TLE4: variants seen among roughly 807,000 people sequenced by gnomAD.
TLE4 encodes the protein transducin-like enhancer protein 4.
Under a neutral mutation model 92.8 loss-of-function variants are expected in TLE4, and 8 were observed. The ratio of observed to expected loss-of-function variants is 0.09; its 90% CI spans 0.05 to 0.16. The LOEUF (loss-of-function observed/expected upper bound fraction) is 0.16. Among genes scored for constraint, TLE4 ranks in the 10% least tolerant of loss-of-function variants. The pLI is 1.00. For synonymous variants in TLE4, 371 were observed against 374.1 expected (o/e 0.99, Z 0.10); for missense variants, 675 against 997.6 (o/e 0.68, Z 4.36).
Position 79,718,899 on chromosome 9 carries a change from G to C in TLE4, c.1518G>C (p.Gly506=). 6.2e-7 allele frequency: 1 copy of C among 1,614,188 alleles called. No individual in the cohort carries two copies. The highest frequency in any genetic ancestry group is 8.5e-7 in the Non-Finnish European group (1 of 1,180,020). ...SNPTRHVYTG[G]KGCVKVWDIS... Reference sequence around the variant, plus strand: ...CCACGAGACACGTGTACACGGGTGGGAAGGGCTGCGTCAAGGTCTGGGACA... The same window carrying C: ...CCACGAGACACGTGTACACGGGTGGCAAGGGCTGCGTCAAGGTCTGGGACA... Residue 506 remains glycine (G), a synonymous_variant, in exon 15 of 20, where the codon GGG becomes GGC. Coordinates refer to ENST00000376552, the MANE Select transcript of TLE4 (RefSeq NM_007005.6).
At chr9:79,650,828 G>A (rs527713370) in intron 6 of TLE4, among the ~76,000 whole-genome samples, 6 of 152,034 alleles carry the variant, frequency 3.9e-5, no homozygotes, top group Admixed American at 6.6e-5. Context: ...TATATTTTAA[G>A]TGCATGTAGC....
At chr9:79,578,703 T>C (rs2081989402) in intron 4 of TLE4, among the ~76,000 whole-genome samples, 1 of 152,180 alleles carries the variant, frequency 6.6e-6, no homozygotes, top group African/African-American at 2.4e-5. Context: ...AAAGTACATT[T>C]AGTAAATTGG....
intron 14 of TLE4, among the ~76,000 whole-genome samples, chr9:79,710,807 C>T (rs571605923): frequency 6.6e-6 from 1 of 152,254 alleles, no homozygotes; most frequent in Admixed American, 6.5e-5. Flanking sequence ...TCTGCCTCTC[C>T]CTCTTGACTA....
chr9:79,719,986 C>T (rs2075296166), intron 15 of TLE4, 60 bp from the exon 16 acceptor site: 1 of 1,544,654 alleles, frequency 6.5e-7, no homozygotes, highest in African/African-American at 1.4e-5. Context: ...TTTCTGCTCT[C>T]ATGTTAATGC....
intron 4 of TLE4, among the ~76,000 whole-genome samples, chr9:79,581,848 C>T (rs1054491024): frequency 1.3e-5 from 2 of 152,140 alleles, no homozygotes; most frequent in Admixed American, 1.3e-4. Flanking sequence ...GGGGGATTCT[C>T]TGCAACTGCC....
chr9:79,699,834 A>G (rs1411694043), intron 8 of TLE4, among the ~76,000 whole-genome samples: 1 of 152,236 alleles, frequency 6.6e-6, no homozygotes, highest in East Asian at 1.9e-4. Flanking sequence ...GCCTCTGTGC[A>G]GTATTGAACC....
chr9:79,585,257 GTAT>G (rs2040764977), intron 4 of TLE4, among the ~76,000 whole-genome samples: 2 of 152,116 alleles, frequency 1.3e-5, no homozygotes, highest in Non-Finnish European at 1.5e-5. Context: ...TATAGTAGTA[GTAT>G]TATTTCCATT....
intron 11 of TLE4, 168 bp downstream of exon 11, chr9:79,707,067 GTTTACTAAC>G: frequency 3.1e-6 from 5 of 1,593,088 alleles, no homozygotes; most frequent in Non-Finnish European, 4.3e-6. Flanking sequence ...AGCAGAATAA[GTTTACTAAC>G]TTGTTGGTGA....
chr9:79,573,289 C>A, intron 1 of TLE4: 1 of 1,030,714 alleles, frequency 9.7e-7, no homozygotes, highest in Non-Finnish European at 1.2e-6. Flanking sequence ...GAGAGGGTGG[C>A]GGCCGCCTCC....
chr9:79,691,884 G>T (rs1397768873), intron 8 of TLE4, among the ~76,000 whole-genome samples: 3 of 152,038 alleles, frequency 2.0e-5, no homozygotes, highest in Non-Finnish European at 4.4e-5. Context: ...AATGTTATTA[G>T]CAGCTTGTTT....
chr9:79,716,309 G>T (rs1420135663), intron 14 of TLE4, among the ~76,000 whole-genome samples: 7 of 152,188 alleles, frequency 4.6e-5, no homozygotes, highest in South Asian at 2.1e-4. Flanking sequence ...TATTTGTAAG[G>T]CCTGTGTCAT....
chr9:79,687,377 A>G (rs1051035576), intron 8 of TLE4, among the ~76,000 whole-genome samples: 2 of 152,128 alleles, frequency 1.3e-5, no homozygotes, highest in Non-Finnish European at 2.9e-5. Context: ...TGGGTGCCAG[A>G]TTTTCTTCCT....
At position 79,722,023 on chromosome 9, in the gene TLE4, G is replaced by A. The variant is rs1023971967; in HGVS notation, c.1986+135G>A. 3 of 1,275,684 alleles carry A rather than the reference G, an allele frequency of 2.4e-6. No homozygotes were observed. In the African/African-American group the frequency reaches 4.5e-5, roughly 19 times the overall value. 79.0% of individuals were successfully genotyped at this position (1,275,684 alleles called of 1,614,324 possible). A position where few individuals can be genotyped will look rare whatever the true frequency, so the allele number is the denominator to read the frequency against. Reference sequence around the variant, plus strand: ...CTACTAAAAGTACAAAAATTAGCTGGGCATGGTGGCATGTGCCTGTAGTCC... The same window carrying A: ...CTACTAAAAGTACAAAAATTAGCTGAGCATGGTGGCATGTGCCTGTAGTCC... On this transcript the variant is annotated intron_variant, in intron 17 of 19. Transcript: ENST00000376552.
At position 79,726,633 on chromosome 9, in the gene TLE4, CTG is replaced by C. The variant is rs1466077746; in HGVS notation, c.*1492_*1493del. 1.3e-5 allele frequency: 2 copies of C among 152,614 alleles called. No homozygotes were observed. Among genetic ancestry groups the C allele is most frequent in the Non-Finnish European group, 2.9e-5 (2 of 68,034 alleles). The allele number at this position is 152,614 out of a possible 1,614,324, so 9.5% of individuals were successfully genotyped here. A position where few individuals can be genotyped will look rare whatever the true frequency, so the allele number is the denominator to read the frequency against. On this transcript the variant is annotated 3_prime_UTR_variant, in exon 20 of 20. Transcript: ENST00000376552. The stretch of plus-strand genomic sequence containing the variant: ...AGTGTAGAAAGATTTTGATACTAAA[CTG>C]TGCGTTGTACATAGTTCTAATGCAT...
intron 10 of TLE4, among the ~76,000 whole-genome samples, chr9:79,706,387 T>C (rs1482739917): frequency 1.3e-5 from 2 of 151,920 alleles, no homozygotes; most frequent in Non-Finnish European, 2.9e-5. Flanking sequence ...TTATATGTTA[T>C]TGATCTTTTT....
intron 6 of TLE4, among the ~76,000 whole-genome samples, chr9:79,627,989 C>G (rs1229753003): frequency 6.6e-6 from 1 of 152,098 alleles, no homozygotes; most frequent in East Asian, 1.9e-4. Flanking sequence ...TTTAGAAAAT[C>G]CTTCCTGGCA....
Position 79,572,897 on chromosome 9 carries a change from T to G in TLE4, c.45+62T>G. 3 of 1,534,398 alleles carry G rather than the reference T, an allele frequency of 2.0e-6. No individual in the cohort carries two copies. In the South Asian group the frequency reaches 3.5e-5, roughly 18 times the overall value. On this transcript the variant is annotated intron_variant, in intron 1 of 19. Coordinates refer to ENST00000376552, the MANE Select transcript of TLE4 (RefSeq NM_007005.6). The stretch of plus-strand genomic sequence containing the variant: ...CTGGGGGATTCCCCGCGTCGCCCCC[T>G]GCGCACCGAGTTGTGTCTTTTGGCC...
Position 79,720,157 on chromosome 9 carries a change from C to T in TLE4, c.1702C>T (p.Arg568Cys). The T allele has an allele frequency of 6.2e-7, 1 of 1,614,168 alleles. No individual in the cohort carries two copies. Among genetic ancestry groups the T allele is most frequent in the Non-Finnish European group, 8.5e-7 (1 of 1,180,032 alleles). ...TTGGGACCTGGCGGCTCCAACCCCA[C>T]GCATCAAGGCAGAGCTGACATCCTC... ...SIWDLAAPTP[R>C]IKAELTSSAP... The change falls in exon 16 of 20, where the codon CGC becomes TGC. Residue 568 changes from arginine (R) to cysteine (C), a missense_variant. This residue lies in a region of TLE4 where 170 missense variants were observed against 359.6 expected (regional missense o/e 0.47). Coordinates refer to ENST00000376552, the MANE Select transcript of TLE4 (RefSeq NM_007005.6).
chr9:79,708,288 C>A, intron 12 of TLE4, 38 bp downstream of exon 12: 1 of 1,604,172 alleles, frequency 6.2e-7, no homozygotes, highest in South Asian at 1.1e-5. Context: ...TTTTTATGCT[C>A]GTTTTTAAGA....
Sources: gnomAD v4.1 joint callset for allele counts (sites outside exome capture counted in the v4.1 genomes callset) on GRCh38, gnomAD v4.1.1 for gene constraint, gnomAD v4.1.1 regional missense constraint, MANE v1.5 for transcripts, NCBI Gene and HGNC (gene_info 2026-07-23, HGNC 2026-07-21) for gene names.